PTPRD: variants seen among roughly 807,000 people sequenced by gnomAD.
PTPRD encodes the protein receptor-type tyrosine-protein phosphatase delta.
PTPRD carries 34 observed loss-of-function variants against 214.5 expected under a neutral mutation model. The observed-to-expected ratio is 0.16, with a 90% CI of 0.12 to 0.21. The LOEUF (loss-of-function observed/expected upper bound fraction) is 0.21, where lower values mean the gene tolerates loss of function less well. PTPRD is among the 10% of genes least tolerant of loss of function. The pLI is 1.00. For missense variants in PTPRD, 2,545 were observed against 2,398.7 expected, an observed-to-expected ratio of 1.06 and a Z score of -1.27; for synonymous variants, 1,128 against 845.7, an observed-to-expected ratio of 1.33 and a Z score of -5.79.
rs891745901 is a variant in PTPRD, at chr9:10,348,311, G to A, written c.-599-7294C>T. ...TGCCAATGATCTACTTTCTCAATATGAAATGTTGTTATCTAAGTTTCTAAG... is the reference window on the plus strand; with the variant it reads ...TGCCAATGATCTACTTTCTCAATATAAAATGTTGTTATCTAAGTTTCTAAG... On this transcript the variant is annotated intron_variant, in intron 2 of 45. Transcript: ENST00000381196. Among the ~76,000 whole-genome samples, 47 of 152,066 alleles carry A rather than the reference G, an allele frequency of 3.1e-4. 1 individual carries two copies. Among genetic ancestry groups the A allele is most frequent in the Admixed American group, 3.1e-3 (47 of 15,272 alleles).
chr9:9,401,277 C>T (rs1162887138), intron 8 of PTPRD, among the ~76,000 whole-genome samples: 1 of 152,076 alleles, frequency 6.6e-6, no homozygotes, highest in Non-Finnish European at 1.5e-5. Context: ...ATTACACACA[C>T]ATACACATAC....
chr9:8,474,482 G>A (rs999793305), intron 30 of PTPRD, among the ~76,000 whole-genome samples: 1 of 152,102 alleles, frequency 6.6e-6, no homozygotes, highest in Admixed American at 6.6e-5. Flanking sequence ...GCCATTCTCT[G>A]TGCCAGAATC....
chr9:9,258,732 A>G (rs920440485), intron 9 of PTPRD, among the ~76,000 whole-genome samples: 1 of 151,928 alleles, frequency 6.6e-6, no homozygotes, highest in African/African-American at 2.4e-5. Flanking sequence ...TACATTATAC[A>G]GCAGCATTCT....
At chr9:8,772,716 AATTCTGAGTCAGTTTCAAT>A in intron 11 of PTPRD, among the ~76,000 whole-genome samples, 1 of 152,146 alleles carries the variant, frequency 6.6e-6, no homozygotes, top group South Asian at 2.1e-4. Context: ...CATCTGTGTC[AATTCTGAGTCAGTTTCAAT>A]AGGTTGATTT....
intron 3 of PTPRD, among the ~76,000 whole-genome samples, chr9:10,191,294 T>C (rs62538580): frequency 0.12 from 18,631 of 151,996 alleles, 1,314 homozygotes; most frequent in Non-Finnish European, 0.17. Flanking sequence ...ACAAAAAATA[T>C]ATATTCTATT....
intron 11 of PTPRD, among the ~76,000 whole-genome samples, chr9:8,777,234 C>T (rs10815939): frequency 0.53 from 80,284 of 151,234 alleles, 21,410 homozygotes; most frequent in South Asian, 0.59. Context: ...CCTGCTTCCA[C>T]CTCCCAAAGA....
chr9:9,772,570 G>A (rs1191011148), intron 5 of PTPRD, among the ~76,000 whole-genome samples: 2 of 152,072 alleles, frequency 1.3e-5, no homozygotes, highest in African/African-American at 4.8e-5. Context: ...TCTCTTTCCT[G>A]CTCTGCAAAT....
intron 9 of PTPRD, among the ~76,000 whole-genome samples, chr9:9,344,906 G>C (rs1420159147): frequency 2.0e-5 from 3 of 151,918 alleles, no homozygotes; most frequent in Admixed American, 2.0e-4. Context: ...ACTCTTTTCA[G>C]GAATTAATTA....
chr9:9,062,527 T>A lies in PTPRD; in HGVS notation c.-142-43792A>T, dbSNP rs145403242. Among the ~76,000 whole-genome samples, 565 of 151,436 alleles carry A rather than the reference T, an allele frequency of 3.7e-3. 3 individuals are homozygous for A. The highest frequency in any genetic ancestry group is 0.013 in the African/African-American group (541 of 41,296). ...ACAGGCATTATCTTTTCTCTATCTATCTTTTCTATCTCTGCATCTCTCCAT... is the reference window on the plus strand; with the variant it reads ...ACAGGCATTATCTTTTCTCTATCTAACTTTTCTATCTCTGCATCTCTCCAT... On this transcript the variant is annotated intron_variant, in intron 10 of 45. Coordinates refer to ENST00000381196, the MANE Select transcript of PTPRD (RefSeq NM_002839.4).
At chr9:8,619,738 C>T (rs1190368921) in intron 14 of PTPRD, among the ~76,000 whole-genome samples, 1 of 151,872 alleles carries the variant, frequency 6.6e-6, no homozygotes, top group Non-Finnish European at 1.5e-5. Context: ...AACTCAGCAG[C>T]CCCTCTTGGT....
chr9:9,903,619 T>A (rs2076904193), intron 5 of PTPRD, among the ~76,000 whole-genome samples: 1 of 152,060 alleles, frequency 6.6e-6, no homozygotes, highest in Non-Finnish European at 1.5e-5. Context: ...TAGCATTAAA[T>A]AATACAAGAA....
intron 4 of PTPRD, among the ~76,000 whole-genome samples, chr9:9,953,603 C>T (rs7874452): frequency 0.49 from 74,858 of 151,834 alleles, 19,942 homozygotes; most frequent in East Asian, 0.74. Context: ...TTAAACAACA[C>T]GTCATGTAGG....
intron 9 of PTPRD, among the ~76,000 whole-genome samples, chr9:9,353,326 A>G (rs1173993154): frequency 6.6e-6 from 1 of 152,014 alleles, no homozygotes; most frequent in East Asian, 1.9e-4. Context: ...ATCATAGGTG[A>G]CTTTAGAGCA....
intron 11 of PTPRD, among the ~76,000 whole-genome samples, chr9:8,768,289 G>T (rs560170284): frequency 6.6e-6 from 1 of 152,166 alleles, no homozygotes; most frequent in South Asian, 2.1e-4. Flanking sequence ...CTATAGTCCT[G>T]CCTGTAATCC....
At chr9:9,618,634 A>C (rs1025870716) in intron 7 of PTPRD, among the ~76,000 whole-genome samples, 1 of 152,188 alleles carries the variant, frequency 6.6e-6, no homozygotes, top group African/African-American at 2.4e-5. Flanking sequence ...AAAAAGTGAA[A>C]GTAGTAAGAT....
intron 11 of PTPRD, among the ~76,000 whole-genome samples, chr9:8,870,714 A>ACACACACG (rs1555457932): frequency 1.4e-3 from 208 of 150,094 alleles, no homozygotes; most frequent in African/African-American, 3.3e-3. Context: ...ACACACACAC[A>ACACACACG]CACACACACA....
At chr9:8,696,848 G>A (rs1049227315) in intron 12 of PTPRD, among the ~76,000 whole-genome samples, 4 of 152,118 alleles carry the variant, frequency 2.6e-5, no homozygotes, top group African/African-American at 2.4e-5. Context: ...TGTAAAAACC[G>A]TTCCCTTTCT....
intron 39 of PTPRD, among the ~76,000 whole-genome samples, chr9:8,360,012 T>A (rs1009253388): frequency 6.6e-6 from 1 of 152,242 alleles, no homozygotes; most frequent in South Asian, 2.1e-4. Flanking sequence ...CCAGGTTGTC[T>A]GTGGCTCTAG....
chr9:8,618,427 A>C (rs1046700511), intron 14 of PTPRD, among the ~76,000 whole-genome samples: 1 of 152,094 alleles, frequency 6.6e-6, no homozygotes, highest in African/African-American at 2.4e-5. Flanking sequence ...GTTCATTTTC[A>C]TGAAAACATA....
Sources: gnomAD v4.1 joint callset for allele counts (sites outside exome capture counted in the v4.1 genomes callset) on GRCh38, gnomAD v4.1.1 for gene constraint, MANE v1.5 for transcripts, NCBI Gene and HGNC (gene_info 2026-07-23, HGNC 2026-07-21) for gene names.